FAT4: variants seen among roughly 807,000 people sequenced by gnomAD.
The protein encoded by FAT4 is protocadherin Fat 4.
In FAT4, 84 loss-of-function variants were observed where a neutral mutation model predicts 303.9. That is an observed-to-expected ratio of 0.28 (90% CI 0.23 to 0.33). The LOEUF (loss-of-function observed/expected upper bound fraction) is 0.33. Among genes scored for constraint, FAT4 ranks in the 10% least tolerant of loss-of-function variants. The pLI is 1.00. For synonymous variants in FAT4, 2,307 were observed against 2,298.8 expected (o/e 1.00, Z -0.10); for missense variants, 6,005 against 6,146.8 (o/e 0.98, Z 0.77).
At chr4:125,391,658 T>C (rs567835841) in intron 2 of FAT4, among the ~76,000 whole-genome samples, 202 of 152,312 alleles carry the variant, frequency 1.3e-3, no homozygotes, top group African/African-American at 4.5e-3. Flanking sequence ...AGAAATGTTT[T>C]GTTTTAAAAG....
At chr4:125,481,311 AG>A (rs1266307812) in intron 15 of FAT4, among the ~76,000 whole-genome samples, 1 of 152,338 alleles carries the variant, frequency 6.6e-6, no homozygotes, top group East Asian at 1.9e-4. Context: ...GAGTATTTTA[AG>A]TTCATGGTTC....
intron 2 of FAT4, among the ~76,000 whole-genome samples, chr4:125,397,873 T>A (rs1734242574): frequency 6.6e-6 from 1 of 152,150 alleles, no homozygotes; most frequent in African/African-American, 2.4e-5. Flanking sequence ...GATGACATTT[T>A]ATCCTATGAC....
intron 2 of FAT4, among the ~76,000 whole-genome samples, chr4:125,334,079 G>A (rs2125960762): frequency 6.6e-6 from 1 of 152,090 alleles, no homozygotes; most frequent in South Asian, 2.1e-4. Context: ...TGGCAGAGGA[G>A]TCCCAGATTA....
chr4:125,450,809 C>T lies in FAT4; in HGVS notation c.9799C>T (p.His3267Tyr). The change falls in exon 10 of 18, where the codon CAT becomes TAT. Residue 3267 changes from histidine to tyrosine, a missense_variant. Physicochemically the swap from His to Tyr is moderately conservative, Grantham distance 83. Coordinates refer to ENST00000394329, the MANE Select transcript of FAT4 (RefSeq NM_001291303.3). ...GGATTTTGAAACCAAGCAGAGCTAC[C>T]ATCTTACTGTGAAAGCCTTCAATGT... ...FLDFETKQSY[H>Y]LTVKAFNVPD... 1 of 1,614,122 alleles carries T rather than the reference C, an allele frequency of 6.2e-7. No individual in the cohort carries two copies. The highest frequency in any genetic ancestry group is 8.5e-7 in the Non-Finnish European group (1 of 1,180,010).
At chr4:125,427,410 G>A (rs1725120147) in intron 7 of FAT4, among the ~76,000 whole-genome samples, 1 of 151,092 alleles carries the variant, frequency 6.6e-6, no homozygotes, top group Non-Finnish European at 1.5e-5. Context: ...AGATTCCTAT[G>A]CAAAAATAAT....
chr4:125,440,575 C>T (rs1240877158), intron 8 of FAT4, among the ~76,000 whole-genome samples: 2 of 137,876 alleles, frequency 1.5e-5, no homozygotes, highest in African/African-American at 5.7e-5. Flanking sequence ...ATTATTTTCT[C>T]AGTACTTGTG....
At chr4:125,434,203 T>G in intron 7 of FAT4, 42 bp from the exon 8 acceptor site, 2 of 1,567,888 alleles carry the variant, frequency 1.3e-6, no homozygotes, top group Non-Finnish European at 1.7e-6. Flanking sequence ...TTTGTTATTT[T>G]TTGTTTATAA....
At position 125,364,170 on chromosome 4, in the gene FAT4, G is replaced by A. The variant is rs562977892; in HGVS notation, c.5176-34614G>A. Among the ~76,000 whole-genome samples, 148 of 151,686 alleles carry A rather than the reference G, an allele frequency of 9.8e-4. 1 individual carries two copies. Among genetic ancestry groups the A allele is most frequent in the African/African-American group, 3.3e-3 (136 of 41,320 alleles). On this transcript the variant is annotated intron_variant, in intron 2 of 17. Coordinates refer to ENST00000394329, the MANE Select transcript of FAT4 (RefSeq NM_001291303.3). Reference sequence around the variant, plus strand: ...TCTCTCTTCTCTCCACCCCATGTGTGCCCTCACTCTAGCTTCCCCTCTTTC... The same window carrying A: ...TCTCTCTTCTCTCCACCCCATGTGTACCCTCACTCTAGCTTCCCCTCTTTC...
At chr4:125,432,049 T>A (rs1725300200) in intron 7 of FAT4, among the ~76,000 whole-genome samples, 1 of 152,176 alleles carries the variant, frequency 6.6e-6, no homozygotes. Context: ...TATGCCAAGA[T>A]TATTGTGCTC....
chr4:125,345,659 T>A (rs1731972631), intron 2 of FAT4, among the ~76,000 whole-genome samples: 1 of 152,092 alleles, frequency 6.6e-6, no homozygotes, highest in African/African-American at 2.4e-5. Context: ...TGTTGAAATT[T>A]TCTTTTGGCC....
At chr4:125,386,906 C>A (rs946186775) in intron 2 of FAT4, among the ~76,000 whole-genome samples, 1 of 152,106 alleles carries the variant, frequency 6.6e-6, no homozygotes, top group African/African-American at 2.4e-5. Flanking sequence ...AGACATTTTT[C>A]CACATACTGG....
At chr4:125,343,661 A>G (rs762935252) in intron 2 of FAT4, among the ~76,000 whole-genome samples, 50 of 152,178 alleles carry the variant, frequency 3.3e-4, no homozygotes, top group Non-Finnish European at 6.8e-4. Context: ...AAAAATACAT[A>G]TTGACCCAGC....
intron 4 of FAT4, among the ~76,000 whole-genome samples, chr4:125,407,564 A>C (rs539360821): frequency 1.3e-3 from 198 of 152,218 alleles, no homozygotes; most frequent in Middle Eastern, 3.4e-3. Flanking sequence ...CATTTCTCTT[A>C]GTTTCAATTC....
intron 11 of FAT4, among the ~76,000 whole-genome samples, 153 bp from the exon 12 acceptor site, chr4:125,468,359 A>T (rs1464540922): frequency 1.3e-5 from 2 of 152,186 alleles, no homozygotes; most frequent in Non-Finnish European, 2.9e-5. Context: ...AAGATCATTA[A>T]CTATTTTAAT....
chr4:125,339,305 C>T (rs1731686957), intron 2 of FAT4, among the ~76,000 whole-genome samples: 1 of 151,608 alleles, frequency 6.6e-6, no homozygotes, highest in Non-Finnish European at 1.5e-5. Context: ...AAGCGATTCT[C>T]CTGCCTCAGC....
intron 5 of FAT4, among the ~76,000 whole-genome samples, chr4:125,411,336 G>A (rs1243609338): frequency 6.6e-6 from 1 of 151,960 alleles, no homozygotes. Flanking sequence ...ATTACATTGA[G>A]GAAATATCGG....
rs1730740660 is a variant in FAT4, at chr4:125,318,341, A to C, written c.1930A>C (p.Ile644Leu). ...LDPVSGRLST[I>L]SSLDREEQAF... The stretch of plus-strand genomic sequence containing the variant: ...TCCTGTGTCTGGGAGGTTGAGTACT[A>C]TTTCCTCCTTGGACAGAGAAGAGCA... Residue 644 changes from isoleucine to leucine, a missense_variant, in exon 2 of 18, where the codon ATT becomes CTT. Coordinates refer to ENST00000394329, the MANE Select transcript of FAT4 (RefSeq NM_001291303.3). 22 of 1,614,098 alleles carry C rather than the reference A, an allele frequency of 1.4e-5. No individual in the cohort carries two copies. Among genetic ancestry groups the C allele is most frequent in the Non-Finnish European group, 1.9e-5 (22 of 1,180,018 alleles).
At position 125,450,506 on chromosome 4, in the gene FAT4, A is replaced by G. The variant is rs1726018725; in HGVS notation, c.9496A>G (p.Ile3166Val). 1 of 1,614,052 alleles carries G rather than the reference A, an allele frequency of 6.2e-7. No homozygotes were observed. Among genetic ancestry groups the G allele is most frequent in the Admixed American group, 1.7e-5 (1 of 59,996 alleles). The change falls in exon 10 of 18, where the codon ATT becomes GTT. Residue 3166 changes from isoleucine (I) to valine (V), a missense_variant. Transcript: ENST00000394329. ...GCTATGCCAGAAACACGAAATGACG[A>G]TTAGTGCTATAGATGGAGGATGGGT... ...YELCQKHEMT[I>V]SAIDGGWVAR...
chr4:125,464,937 A>G (rs1726610823), intron 11 of FAT4, among the ~76,000 whole-genome samples: 1 of 152,186 alleles, frequency 6.6e-6, no homozygotes, highest in Non-Finnish European at 1.5e-5. Context: ...TAGATAATAG[A>G]ATTTAAAAGA....
Sources: allele counts gnomAD v4.1 joint callset (sites outside exome capture counted in the v4.1 genomes callset), GRCh38; gene constraint gnomAD v4.1.1; transcripts MANE v1.5; gene names NCBI Gene and HGNC (gene_info 2026-07-23, HGNC 2026-07-21).